The following PRKDC variants were observed in gnomAD, a reference collection of about 807,000 sequenced individuals.
The protein encoded by PRKDC is DNA-dependent protein kinase catalytic subunit.
A neutral mutation model predicts 486.9 loss-of-function variants in PRKDC; 82 were observed. The observed-to-expected ratio is 0.17, with a 90% CI of 0.14 to 0.20. The LOEUF is 0.20. Ranked by LOEUF, PRKDC falls within the 10% of genes least tolerant of loss-of-function variation. The pLI, the probability that PRKDC is intolerant of heterozygous loss-of-function variation, is 1.00. For synonymous variants in PRKDC, 1,895 were observed against 1,837.0 expected, an observed-to-expected ratio of 1.03 and a Z score of -0.81; for missense variants, 4,504 against 5,038.2, an observed-to-expected ratio of 0.89 and a Z score of 3.21.
intron 15 of PRKDC, 64 bp from the exon 16 acceptor site, chr8:47,933,236 G>T: frequency 1.5e-6 from 2 of 1,293,754 alleles, no homozygotes; most frequent in Non-Finnish European, 2.1e-6. Context: ...TATTTTATAA[G>T]CATTAAGACA....
At chr8:47,820,616 T>C in intron 66 of PRKDC, 103 bp downstream of exon 66, 1 of 762,164 alleles carries the variant, frequency 1.3e-6, no homozygotes, top group Admixed American at 4.4e-5. Flanking sequence ...GTTTACTGAG[T>C]TTTAAAAATA....
At chr8:47,787,463 A>G (rs527383746) in intron 76 of PRKDC, among the ~76,000 whole-genome samples, 69 of 152,344 alleles carry the variant, frequency 4.5e-4, no homozygotes, top group African/African-American at 1.6e-3. Flanking sequence ...CTCTAAAGTG[A>G]TATTTGAGGC....
intron 21 of PRKDC, among the ~76,000 whole-genome samples, chr8:47,925,085 C>A (rs2090136227): frequency 6.6e-6 from 1 of 152,216 alleles, no homozygotes; most frequent in Non-Finnish European, 1.5e-5. Flanking sequence ...GGGATGACCT[C>A]CTCACACCCT....
Position 47,930,805 on chromosome 8 carries a change from G to A in PRKDC, c.1777-18C>T, listed in dbSNP as rs1166804515. ...TCTCCATTCTTAAAGAGTAATTGTA[G>A]CAAAGAAACATTGTACCATTCAATC... On this transcript the variant is annotated intron_variant, in intron 16 of 85. Transcript: ENST00000314191. 1 of 1,543,126 alleles carries A rather than the reference G, an allele frequency of 6.5e-7. No individual in the cohort carries two copies. Among genetic ancestry groups the A allele is most frequent in the South Asian group, 1.2e-5 (1 of 80,678 alleles).
rs549528392 is a variant in PRKDC at position 47,912,080 on chromosome 8, TTC to T, written c.2934+328_2934+329del. 1.4e-4 allele frequency among the ~76,000 whole-genome samples: 21 copies of T among 152,212 alleles called. No homozygotes were observed. The South Asian group carries it at 4.4e-3, about 32-fold the overall frequency. On this transcript the variant is annotated intron_variant, in intron 25 of 85. Coordinates refer to ENST00000314191, the MANE Select transcript of PRKDC (RefSeq NM_006904.7). ...GCCACCGCGCGCGGCCCATGGTTAT[TTC>T]TCTCTTCTTCCCTTTGTGAAAGACT...
intron 40 of PRKDC, among the ~76,000 whole-genome samples, chr8:47,876,640 TAC>T (rs1266097009): frequency 6.6e-6 from 1 of 151,044 alleles, no homozygotes; most frequent in Non-Finnish European, 1.5e-5. Context: ...CAGCCTGGGT[TAC>T]AGAGCCAGAC....
At position 47,936,512 on chromosome 8, in the gene PRKDC, G is replaced by C; in HGVS notation, c.1119C>G (p.Cys373Trp). ...CAACATCTTTTGCGTTTATAACCTT[G>C]CACGGCTTTAGAAAAGGTAAAACAG... ...IRGYGLFAGP[C>W]KVINAKDVDF... The change falls in exon 12 of 86, where the codon TGC becomes TGG. Residue 373 changes from cysteine to tryptophan, a missense_variant. Physicochemically the swap from Cys to Trp is radical, Grantham distance 215. Transcript: ENST00000314191. 6.2e-7 allele frequency: 1 copy of C among 1,613,826 alleles called. No individual in the cohort carries two copies.
intron 7 of PRKDC, among the ~76,000 whole-genome samples, chr8:47,951,559 A>C (rs2090625097): frequency 6.6e-6 from 1 of 152,010 alleles, no homozygotes; most frequent in Admixed American, 6.6e-5. Context: ...CCGTGTCTCT[A>C]CAAAACATTT....
At chr8:47,942,258 C>A (rs1474242502) in intron 10 of PRKDC, among the ~76,000 whole-genome samples, 2 of 152,176 alleles carry the variant, frequency 1.3e-5, no homozygotes, top group African/African-American at 4.8e-5. Flanking sequence ...TTCAGCGTAA[C>A]AGGAGTTTTA....
chr8:47,834,169 T>G, intron 59 of PRKDC, 27 bp downstream of exon 59: 1 of 1,613,690 alleles, frequency 6.2e-7, no homozygotes, highest in Non-Finnish European at 8.5e-7. Context: ...GGAAGCTATT[T>G]TAAGCACACT....
chr8:47,947,246 G>A (rs953482954), intron 7 of PRKDC, among the ~76,000 whole-genome samples: 3 of 152,110 alleles, frequency 2.0e-5, no homozygotes, highest in East Asian at 1.9e-4. Flanking sequence ...TTCTGATCAC[G>A]ACTTCTGCGT....
chr8:47,945,238 C>CT (rs2090512747), intron 7 of PRKDC, among the ~76,000 whole-genome samples: 1 of 152,156 alleles, frequency 6.6e-6, no homozygotes, highest in African/African-American at 2.4e-5. Context: ...GGTCTTGTAT[C>CT]TGTTTTTTTC....
chr8:47,934,892 G>T, intron 14 of PRKDC, 117 bp downstream of exon 14: 1 of 701,880 alleles, frequency 1.4e-6, no homozygotes, highest in Non-Finnish European at 2.4e-6. Flanking sequence ...GTAAGGCATT[G>T]CTAATAACTA....
chr8:47,909,077 C>T (rs1390613428), intron 25 of PRKDC, among the ~76,000 whole-genome samples: 2 of 152,150 alleles, frequency 1.3e-5, no homozygotes, highest in Non-Finnish European at 2.9e-5. Flanking sequence ...CCTCATCTCC[C>T]CCCAGCCCCC....
chr8:47,948,154 AT>A (rs1057444457), intron 7 of PRKDC, among the ~76,000 whole-genome samples: 39 of 150,956 alleles, frequency 2.6e-4, no homozygotes, highest in African/African-American at 9.2e-4. Context: ...ATATATAAAA[AT>A]TTTTTTTGAG....
In PRKDC at chr8:47,957,572, G is replaced by C. The variant is rs550780159; in HGVS notation, c.155-141C>G. The C allele has an allele frequency of 3.8e-5, 25 of 649,684 alleles. No individual in the cohort carries two copies. The African/African-American group carries it at 4.0e-4, about 10-fold the overall frequency. The allele number at this position is 649,684 out of a possible 1,614,324, so 40.2% of individuals were successfully genotyped here. On this transcript the variant is annotated intron_variant, in intron 1 of 85. Transcript: ENST00000314191. ...GTCGCCCAGGCTGGAGTGCAGCGGCGCGATCTCGGCTCACTGCAACCTCCG... is the reference window on the plus strand; with the variant it reads ...GTCGCCCAGGCTGGAGTGCAGCGGCCCGATCTCGGCTCACTGCAACCTCCG...
intron 21 of PRKDC, among the ~76,000 whole-genome samples, chr8:47,920,846 T>C (rs1421952123): frequency 6.6e-6 from 1 of 152,224 alleles, no homozygotes; most frequent in Non-Finnish European, 1.5e-5. Context: ...TTAACCATTT[T>C]TAGGTATATA....
At chr8:47,808,554 A>G (rs547509554) in intron 68 of PRKDC, among the ~76,000 whole-genome samples, 25 of 152,200 alleles carry the variant, frequency 1.6e-4, no homozygotes, top group South Asian at 2.1e-4. Context: ...AGCACACTAC[A>G]GCCTTGAATT....
At chr8:47,849,343 C>A (rs1446585965) in intron 53 of PRKDC, 36 bp downstream of exon 53, 1 of 1,613,700 alleles carries the variant, frequency 6.2e-7, no homozygotes, top group Middle Eastern at 1.7e-4. Flanking sequence ...GGCCGAGGAC[C>A]CTCCTGCCCC....
Sources: gnomAD v4.1 joint callset for allele counts (sites outside exome capture counted in the v4.1 genomes callset) on GRCh38, gnomAD v4.1.1 for gene constraint, MANE v1.5 for transcripts, NCBI Gene and HGNC (gene_info 2026-07-23, HGNC 2026-07-21) for gene names.